Variants in FAF1 observed in about 807,000 individuals in gnomAD.
The protein encoded by FAF1 is Fas associated factor 1.
A neutral mutation model predicts 92.5 loss-of-function variants in FAF1; 25 were observed. That is an observed-to-expected ratio of 0.27 (90% CI 0.20 to 0.38). FAF1 has a LOEUF of 0.38. Ranked by LOEUF, FAF1 falls within the 10% of genes least tolerant of loss-of-function variation. FAF1 has a pLI of 1.00. For synonymous variants in FAF1, 234 were observed against 273.2 expected, an observed-to-expected ratio of 0.86 and a Z score of 1.42; for missense variants, 636 against 793.3, an observed-to-expected ratio of 0.80 and a Z score of 2.38.
At chr1:50,621,398 T>TC (rs1553122048) in intron 8 of FAF1, among the ~76,000 whole-genome samples, 38 of 125,756 alleles carry the variant, frequency 3.0e-4, no homozygotes, top group South Asian at 1.6e-3. Context: ...TTTCTTTTTT[T>TC]TTTTTTTTTT....
intron 2 of FAF1, among the ~76,000 whole-genome samples, chr1:50,829,370 C>T (rs977716628): frequency 3.3e-5 from 5 of 152,110 alleles, no homozygotes; most frequent in Admixed American, 6.5e-5. Flanking sequence ...ATTATCCTTC[C>T]ATTTCTTTTT....
At chr1:50,492,940 G>T (rs1216211160) in intron 15 of FAF1, among the ~76,000 whole-genome samples, 1 of 152,012 alleles carries the variant, frequency 6.6e-6, no homozygotes, top group Non-Finnish European at 1.5e-5. Flanking sequence ...AGATGTTGCT[G>T]GCCTGAAGGT....
At chr1:50,909,012 T>C (rs1018272763) in intron 1 of FAF1, among the ~76,000 whole-genome samples, 7 of 152,214 alleles carry the variant, frequency 4.6e-5, no homozygotes, top group African/African-American at 1.4e-4. Flanking sequence ...GTGTCCAGTA[T>C]TGGTTGTTCC....
chr1:50,586,444 A>G (rs1237582487), intron 9 of FAF1, among the ~76,000 whole-genome samples: 1 of 152,194 alleles, frequency 6.6e-6, no homozygotes, highest in East Asian at 1.9e-4. Context: ...GTCAAATGTC[A>G]GCATTTCCTC....
intron 2 of FAF1, among the ~76,000 whole-genome samples, chr1:50,829,662 G>C (rs1217599351): frequency 1.3e-5 from 2 of 152,204 alleles, no homozygotes; most frequent in African/African-American, 4.8e-5. Context: ...TCTGTACTTA[G>C]TGGAAACATC....
chr1:50,521,364 G>A (rs1647491218), intron 15 of FAF1, among the ~76,000 whole-genome samples: 1 of 152,074 alleles, frequency 6.6e-6, no homozygotes, highest in South Asian at 2.1e-4. Flanking sequence ...TCCAAACATA[G>A]GAATTCAAGT....
intron 3 of FAF1, among the ~76,000 whole-genome samples, chr1:50,796,542 C>T (rs771908133): frequency 4.6e-5 from 7 of 152,094 alleles, no homozygotes; most frequent in Non-Finnish European, 1.0e-4. Flanking sequence ...CCTTTGTGCC[C>T]ATTGGTGGTC....
intron 12 of FAF1, among the ~76,000 whole-genome samples, chr1:50,576,968 A>G (rs1164661670): frequency 4.6e-5 from 7 of 151,742 alleles, no homozygotes; most frequent in African/African-American, 1.2e-4. Flanking sequence ...TGCCCAGCCT[A>G]AAAACAGATT....
chr1:50,907,644 T>A (rs903978795), intron 1 of FAF1, among the ~76,000 whole-genome samples: 3 of 152,240 alleles, frequency 2.0e-5, no homozygotes, highest in Admixed American at 6.5e-5. Flanking sequence ...CCATTTCTTC[T>A]AGATTTTCTA....
intron 7 of FAF1, among the ~76,000 whole-genome samples, chr1:50,675,810 A>C (rs998836973): frequency 6.6e-6 from 1 of 152,236 alleles, no homozygotes; most frequent in African/African-American, 2.4e-5. Flanking sequence ...TTATGATACA[A>C]TGTGATAGTT....
At chr1:50,642,843 T>TTTG (rs933866988) in intron 8 of FAF1, among the ~76,000 whole-genome samples, 1 of 152,110 alleles carries the variant, frequency 6.6e-6, no homozygotes, top group East Asian at 1.9e-4. Flanking sequence ...TGTTTTCTTT[T>TTTG]TTGTTGTTGT....
At chr1:50,904,100 A>C (rs1220968213) in intron 1 of FAF1, among the ~76,000 whole-genome samples, 1 of 152,236 alleles carries the variant, frequency 6.6e-6, no homozygotes, top group African/African-American at 2.4e-5. Context: ...TATTCACAAT[A>C]ACCGAAAGGT....
At chr1:50,473,923 A>G (rs1278959863) in intron 18 of FAF1, among the ~76,000 whole-genome samples, 1 of 152,204 alleles carries the variant, frequency 6.6e-6, no homozygotes, top group African/African-American at 2.4e-5. Context: ...CTAGATCACA[A>G]TGGAATCACA....
rs185447981 is a variant in FAF1 at position 50,493,253 on chromosome 1, G to C, written c.1495-1452C>G. Reference sequence around the variant, plus strand: ...TCACCATATTAGCCAGGCTGGTCTCGAACTCCTGACCTCAAGTGATCTGCC... The same window carrying C: ...TCACCATATTAGCCAGGCTGGTCTCCAACTCCTGACCTCAAGTGATCTGCC... On this transcript the variant is annotated intron_variant, in intron 15 of 18. Coordinates refer to ENST00000396153, the MANE Select transcript of FAF1 (RefSeq NM_007051.3). 3.6e-4 allele frequency among the ~76,000 whole-genome samples: 54 copies of C among 152,100 alleles called. 4 individuals are homozygous for C. The highest frequency in any genetic ancestry group is 1.3e-3 in the African/African-American group (53 of 41,508).
At position 50,846,289 on chromosome 1, in the gene FAF1, C is replaced by G. The variant is rs148416073; in HGVS notation, c.114+11640G>C. ...AAAAAGTACATTTGCAAGTGACAAG[C>G]TGTCATCAGAAACAGACTCATGCAT... On this transcript the variant is annotated intron_variant, in intron 2 of 18. Coordinates refer to ENST00000396153, the MANE Select transcript of FAF1 (RefSeq NM_007051.3). Among the ~76,000 whole-genome samples the G allele has an allele frequency of 2.3e-3, 355 of 152,026 alleles. 1 individual carries two copies. The highest frequency in any genetic ancestry group is 8.3e-3 in the African/African-American group (346 of 41,486).
chr1:50,829,694 C>A (rs1242535361), intron 2 of FAF1, among the ~76,000 whole-genome samples: 2 of 152,208 alleles, frequency 1.3e-5, no homozygotes, highest in African/African-American at 4.8e-5. Context: ...AAACTACCTA[C>A]ACACCCTTCT....
chr1:50,815,457 C>T (rs1271371137), intron 2 of FAF1, among the ~76,000 whole-genome samples: 4 of 152,090 alleles, frequency 2.6e-5, no homozygotes, highest in Non-Finnish European at 5.9e-5. Context: ...TTTCATTATC[C>T]ACTCTGTTGA....
intron 7 of FAF1, among the ~76,000 whole-genome samples, chr1:50,664,545 C>T (rs1260903957): frequency 2.0e-5 from 3 of 147,838 alleles, no homozygotes; most frequent in African/African-American, 5.3e-5. Flanking sequence ...AATCCCAGCA[C>T]GCTGGGAGGC....
chr1:50,578,977 G>A (rs547960826), intron 12 of FAF1, among the ~76,000 whole-genome samples: 4 of 152,172 alleles, frequency 2.6e-5, no homozygotes, highest in African/African-American at 9.6e-5. Context: ...AAGAAATAAA[G>A]ACATTTTTAT....
Sources: gnomAD v4.1 joint callset for allele counts (sites outside exome capture counted in the v4.1 genomes callset) on GRCh38, gnomAD v4.1.1 for gene constraint, MANE v1.5 for transcripts, NCBI Gene and HGNC (gene_info 2026-07-23, HGNC 2026-07-21) for gene names.